LARS2: variants seen among roughly 807,000 people sequenced by gnomAD.
The protein encoded by LARS2 is leucyl-tRNA synthetase 2, mitochondrial.
Under a neutral mutation model 116.6 loss-of-function variants are expected in LARS2, and 81 were observed. That is an observed-to-expected ratio of 0.69 (90% CI 0.58 to 0.84). LARS2 has a LOEUF of 0.84. Ranked by LOEUF, LARS2 falls within the 40% of genes least tolerant of loss-of-function variation. LARS2 has a pLI of 0.00. For missense variants in LARS2, 968 were observed against 1,114.5 expected, an observed-to-expected ratio of 0.87 and a Z score of 1.87; for synonymous variants, 396 against 407.2, an observed-to-expected ratio of 0.97 and a Z score of 0.33.
intron 15 of LARS2, among the ~76,000 whole-genome samples, chr3:45,510,987 G>A (rs1700280579): frequency 6.6e-6 from 1 of 152,204 alleles, no homozygotes; most frequent in Admixed American, 6.5e-5. Flanking sequence ...ATAACTCTGT[G>A]CTTTCTGATT....
At position 45,458,856 on chromosome 3, in the gene LARS2, A is replaced by G. The variant is rs930522478; in HGVS notation, c.720A>G (p.Gln240=). Residue 240 remains glutamine (Q), a synonymous_variant, in exon 8 of 22, where the codon CAA becomes CAG. Transcript: ENST00000645846. ...GAKVEQKYLR[Q]WFIKTTAYAK... Reference sequence around the variant, plus strand: ...AGGTGGAACAGAAGTACCTCAGACAATGGTTTATTAAGACAACCGCTTATG... The same window carrying G: ...AGGTGGAACAGAAGTACCTCAGACAGTGGTTTATTAAGACAACCGCTTATG... The G allele has an allele frequency of 9.3e-6, 15 of 1,613,882 alleles. No individual in the cohort carries two copies. Among genetic ancestry groups the G allele is most frequent in the Non-Finnish European group, 1.1e-5 (13 of 1,179,928 alleles).
At chr3:45,534,898 C>A (rs1395380812) in intron 20 of LARS2, among the ~76,000 whole-genome samples, 1 of 152,166 alleles carries the variant, frequency 6.6e-6, no homozygotes, top group African/African-American at 2.4e-5. Flanking sequence ...GCTAAAGACA[C>A]CACATCTGAA....
Position 45,491,751 on chromosome 3 carries a change from G to A in LARS2, c.1474G>A (p.Gly492Ser). 6.2e-7 allele frequency: 1 copy of A among 1,613,942 alleles called. No homozygotes were observed. Among genetic ancestry groups the A allele is most frequent in the East Asian group, 2.2e-5 (1 of 44,874 alleles). ...PNIASFTGKG[G>S]PPLAMASEWV... ...CATCGCGTCTTTCACTGGCAAGGGA[G>A]GCCCCCCACTGGCCATGGCTTCAGA... The change falls in exon 13 of 22, where the codon GGC becomes AGC. Residue 492 changes from glycine to serine, a missense_variant. Transcript: ENST00000645846.
chr3:45,533,141 C>T (rs1473297997), intron 20 of LARS2, among the ~76,000 whole-genome samples: 201 of 50,938 alleles, frequency 3.9e-3, no homozygotes, highest in Middle Eastern at 0.038. Context: ...CACATTAAGT[C>T]TTTTTTTTTT....
intron 8 of LARS2, among the ~76,000 whole-genome samples, chr3:45,464,171 G>A (rs1222221720): frequency 1.3e-5 from 2 of 152,136 alleles, no homozygotes; most frequent in Admixed American, 1.3e-4. Flanking sequence ...CACTGGTCTT[G>A]TTTTACCCTG....
intron 14 of LARS2, among the ~76,000 whole-genome samples, chr3:45,497,125 GT>G (rs1023071133): frequency 2.6e-3 from 379 of 146,936 alleles, no homozygotes; most frequent in African/African-American, 8.6e-3. Context: ...GTATAAACAT[GT>G]TTTTTTTTTT....
intron 20 of LARS2, among the ~76,000 whole-genome samples, chr3:45,535,737 T>C (rs1700693675): frequency 6.9e-6 from 1 of 143,926 alleles, no homozygotes; most frequent in Non-Finnish European, 1.5e-5. Flanking sequence ...CACATGGTTA[T>C]GCTAAGTTAC....
intron 15 of LARS2, among the ~76,000 whole-genome samples, chr3:45,504,160 AT>A (rs749761124): frequency 1.5e-4 from 23 of 151,176 alleles, no homozygotes; most frequent in African/African-American, 4.4e-4. Flanking sequence ...TCCAATTACT[AT>A]TTTTTTTTAA....
intron 6 of LARS2, among the ~76,000 whole-genome samples, chr3:45,433,726 T>A (rs1188884488): frequency 5.9e-5 from 9 of 152,198 alleles, no homozygotes; most frequent in Non-Finnish European, 1.2e-4. Context: ...GATTCCTTCT[T>A]TTATTATTTT....
chr3:45,482,646 A>C (rs1699722982), intron 10 of LARS2, among the ~76,000 whole-genome samples: 1 of 152,222 alleles, frequency 6.6e-6, no homozygotes, highest in South Asian at 2.1e-4. Context: ...TATGTATATT[A>C]TATGAAAAGT....
intron 15 of LARS2, among the ~76,000 whole-genome samples, chr3:45,508,585 A>G (rs558146136): frequency 3.5e-4 from 53 of 152,130 alleles, no homozygotes; most frequent in African/African-American, 1.3e-3. Flanking sequence ...ATGGCCTTCA[A>G]AGATCTGCAG....
rs56248607 is a variant in LARS2 at position 45,541,993 on chromosome 3, C to G, written c.2532+37C>G. Reference sequence around the variant, plus strand: ...CCCTCAACCCCAGAACCCAGCAGTCCCTGCCCTGCTGGTGGCCCCTAAATA... The same window carrying G: ...CCCTCAACCCCAGAACCCAGCAGTCGCTGCCCTGCTGGTGGCCCCTAAATA... On this transcript the variant is annotated intron_variant, in intron 21 of 21. Transcript: ENST00000645846. 2,908 of 1,610,544 alleles carry G rather than the reference C, an allele frequency of 1.8e-3. 3 individuals carry two copies. Among genetic ancestry groups the G allele is most frequent in the Non-Finnish European group, 2.3e-3 (2,704 of 1,177,532 alleles).
intron 9 of LARS2, among the ~76,000 whole-genome samples, chr3:45,475,290 G>A (rs1330185794): frequency 6.6e-6 from 1 of 152,202 alleles, no homozygotes; most frequent in East Asian, 1.9e-4. Flanking sequence ...AATTCCCTGT[G>A]CAGCCTCCTC....
At chr3:45,476,769 T>G (rs550145786) in intron 10 of LARS2, 142 bp downstream of exon 10, 3 of 782,712 alleles carry the variant, frequency 3.8e-6, no homozygotes, top group Admixed American at 2.9e-5. Context: ...TGTTTTTATT[T>G]TGAAACATGA....
intron 20 of LARS2, among the ~76,000 whole-genome samples, chr3:45,533,410 T>G (rs1005480761): frequency 6.6e-6 from 1 of 151,914 alleles, no homozygotes; most frequent in African/African-American, 2.4e-5. Flanking sequence ...GCCTACCAAA[T>G]TGCTGGGATT....
chr3:45,460,377 G>T lies in LARS2; in HGVS notation c.750+1491G>T, dbSNP rs546228946. ...ACTACATTACTGGGAAGGATGCTTG[G>T]TTACCTCTTGGACCTGTCAGATGAT... On this transcript the variant is annotated intron_variant, in intron 8 of 21. Coordinates refer to ENST00000645846, the MANE Select transcript of LARS2 (RefSeq NM_015340.4). 1.6e-4 allele frequency among the ~76,000 whole-genome samples: 24 copies of T among 152,324 alleles called. No homozygotes were observed. In the South Asian group the frequency reaches 5.0e-3, roughly 32 times the overall value.
chr3:45,488,030 C>T (rs1699845310), intron 11 of LARS2, among the ~76,000 whole-genome samples: 1 of 152,114 alleles, frequency 6.6e-6, no homozygotes, highest in Non-Finnish European at 1.5e-5. Context: ...GAGAGAACCC[C>T]ACTGCCCTCT....
intron 14 of LARS2, among the ~76,000 whole-genome samples, chr3:45,497,012 T>C (rs1185932367): frequency 6.6e-6 from 1 of 152,244 alleles, no homozygotes; most frequent in Admixed American, 6.5e-5. Flanking sequence ...AAGAATAATG[T>C]AACTCTACAG....
At chr3:45,411,200 T>C (rs1038823640) in intron 4 of LARS2, among the ~76,000 whole-genome samples, 1 of 152,212 alleles carries the variant, frequency 6.6e-6, no homozygotes, top group Non-Finnish European at 1.5e-5. Context: ...AGGAGAGTGC[T>C]GTAAAGAGTT....
Sources: allele counts gnomAD v4.1 joint callset (sites outside exome capture counted in the v4.1 genomes callset), GRCh38; gene constraint gnomAD v4.1.1; transcripts MANE v1.5; gene names NCBI Gene and HGNC (gene_info 2026-07-23, HGNC 2026-07-21).